CMKLR2: variants seen among roughly 807,000 people sequenced by gnomAD.
CMKLR2 encodes chemerin chemokine-like receptor 2.
CMKLR2 carries 18 observed loss-of-function variants against 23.0 expected under a neutral mutation model. The observed-to-expected ratio is 0.78, with a 90% confidence interval of 0.54 to 1.16. The LOEUF is 1.16. Ranked by LOEUF, CMKLR2 falls within the 50% of genes most tolerant of loss-of-function variation. The pLI is 0.00. For missense variants in CMKLR2, 401 were observed against 412.7 expected, an observed-to-expected ratio of 0.97 and a Z score of 0.25; for synonymous variants, 158 against 158.9, an observed-to-expected ratio of 0.99 and a Z score of 0.05.
chr2:206,196,391 A>AATAAAT (rs1553514911), intron 1 of CMKLR2, among the ~76,000 whole-genome samples: 1 of 151,176 alleles, frequency 6.6e-6, no homozygotes, highest in Non-Finnish European at 1.5e-5. Flanking sequence ...AATAAAAATA[A>AATAAAT]AAATAAATAA....
intron 1 of CMKLR2, among the ~76,000 whole-genome samples, chr2:206,205,688 G>GTAT (rs112037410): frequency 0.013 from 2,024 of 150,774 alleles, 27 homozygotes; most frequent in African/African-American, 0.035. Flanking sequence ...AGTGTTCGGT[G>GTAT]TATTATTATT....
chr2:206,197,940 C>A (rs1460742368), intron 1 of CMKLR2, among the ~76,000 whole-genome samples: 3 of 152,006 alleles, frequency 2.0e-5, no homozygotes, highest in African/African-American at 7.3e-5. Context: ...GGTTTGTGAT[C>A]CATCTTCGAA....
In CMKLR2 at chr2:206,176,587, T is replaced by C. The variant is rs772691120; in HGVS notation, c.661A>G (p.Thr221Ala). The stretch of plus-strand genomic sequence containing the variant: ...AGACACAAGTAGCAAATACTCATTG[T>C]TAGCAAAGGGAAGAGATAGCCAATG... ...FIIGYLFPLL[T>A]MSICYLCLIF... is the part of the protein sequence containing the mutation. Residue 221 changes from threonine to alanine, a missense_variant, in exon 2 of 2, where the codon ACA (threonine) becomes GCA (alanine). Transcript: ENST00000621141. The C allele has an allele frequency of 3.1e-6, 5 of 1,614,180 alleles. No homozygotes were observed. Among genetic ancestry groups the C allele is most frequent in the East Asian group, 4.5e-5 (2 of 44,884 alleles).
At chr2:206,203,086 C>A (rs1254702350) in intron 1 of CMKLR2, among the ~76,000 whole-genome samples, 1 of 149,286 alleles carries the variant, frequency 6.7e-6, no homozygotes, top group African/African-American at 2.5e-5. Flanking sequence ...GAGGCCGAGG[C>A]GGGCAGATCA....
At position 206,193,133 on chromosome 2, in the gene CMKLR2, C is replaced by T. The variant is rs1452446891; in HGVS notation, c.-28-15858G>A. ...TTTTTTTTTGAAACCAAGTCTTGCT[C>T]TGTCACCCAGGCTGGAATGCAATGG... On this transcript the variant is annotated intron_variant, in intron 1 of 1. Transcript: ENST00000621141. 2.0e-5 allele frequency among the ~76,000 whole-genome samples: 3 copies of T among 152,208 alleles called. No individual in the cohort carries two copies. The East Asian group carries it at 5.8e-4, about 29-fold the overall frequency.
Position 206,182,635 on chromosome 2 carries a change from T to G in CMKLR2, c.-28-5360A>C, listed in dbSNP as rs189669521. Among the ~76,000 whole-genome samples the G allele has an allele frequency of 4.2e-3, 633 of 152,244 alleles. 5 individuals are homozygous for G. Among genetic ancestry groups the G allele is most frequent in the African/African-American group, 0.015 (603 of 41,544 alleles). ...CCAACCTTGACCCACAGTTCCTTTT[T>G]TTTTTGGATGGAGTCTCACTTTGTC... is the stretch of plus-strand genomic sequence containing the variant. On this transcript the variant is annotated intron_variant, in intron 1 of 1. Transcript: ENST00000621141.
intron 1 of CMKLR2, among the ~76,000 whole-genome samples, chr2:206,192,269 C>T (rs186088706): frequency 1.3e-4 from 19 of 150,338 alleles, no homozygotes; most frequent in South Asian, 6.3e-4. Context: ...AATGAGCTAC[C>T]GGGACTGGCG....
intron 1 of CMKLR2, among the ~76,000 whole-genome samples, chr2:206,208,784 C>T (rs530097938): frequency 1.6e-4 from 25 of 152,114 alleles, no homozygotes; most frequent in South Asian, 1.5e-3. Flanking sequence ...GGACCTCCTG[C>T]CTCAGCTCCC....
At chr2:206,200,971 C>T (rs67294705) in intron 1 of CMKLR2, among the ~76,000 whole-genome samples, 69 of 151,752 alleles carry the variant, frequency 4.5e-4, no homozygotes, top group Non-Finnish European at 7.9e-4. Context: ...TATTTTTTAG[C>T]GGTAGGGTCT....
intron 1 of CMKLR2, among the ~76,000 whole-genome samples, chr2:206,178,673 G>A (rs10209987): frequency 0.026 from 3,975 of 151,448 alleles, 171 homozygotes; most frequent in African/African-American, 0.092. Flanking sequence ...TTGTTTTTTT[G>A]AGACAACCTC....
chr2:206,217,305 G>A (rs1463645683), upstream of CMKLR2: 3 of 152,154 alleles, frequency 2.0e-5, no homozygotes, highest in African/African-American at 7.2e-5. Flanking sequence ...CCCTTACTTG[G>A]TTAAACTGTG....
chr2:206,198,258 A>C (rs900393770), intron 1 of CMKLR2, among the ~76,000 whole-genome samples: 2 of 152,152 alleles, frequency 1.3e-5, no homozygotes, highest in South Asian at 2.1e-4. Flanking sequence ...ATCCTGTTTA[A>C]GTCCGTGGAT....
chr2:206,198,306 T>C (rs1266890481), intron 1 of CMKLR2, among the ~76,000 whole-genome samples: 1 of 152,172 alleles, frequency 6.6e-6, no homozygotes, highest in African/African-American at 2.4e-5. Context: ...CACTGGAACT[T>C]AGGAGAGATG....
intron 1 of CMKLR2, among the ~76,000 whole-genome samples, chr2:206,189,943 A>G (rs1176561463): frequency 6.6e-6 from 1 of 152,068 alleles, no homozygotes; most frequent in Admixed American, 6.6e-5. Flanking sequence ...CAGATGAACG[A>G]TCTCTGCTTG....
chr2:206,189,786 A>AT (rs1559088244), intron 1 of CMKLR2, among the ~76,000 whole-genome samples: 1 of 152,158 alleles, frequency 6.6e-6, no homozygotes, highest in Non-Finnish European at 1.5e-5. Context: ...GGGAAGAAAG[A>AT]TTTTTTGAAA....
upstream of CMKLR2, among the ~76,000 whole-genome samples, chr2:206,216,594 T>C (rs1490563455): frequency 6.6e-6 from 1 of 152,154 alleles, no homozygotes; most frequent in Non-Finnish European, 1.5e-5. Context: ...AACAGGTTTT[T>C]GACAGAAGAA....
chr2:206,203,176 A>T (rs1689165246), intron 1 of CMKLR2, among the ~76,000 whole-genome samples: 1 of 150,876 alleles, frequency 6.6e-6, no homozygotes, highest in Admixed American at 6.6e-5. Context: ...AAAAAAAAAA[A>T]AATTAGCCGG....
chr2:206,198,390 G>T (rs1359514281), intron 1 of CMKLR2, among the ~76,000 whole-genome samples: 1 of 152,132 alleles, frequency 6.6e-6, no homozygotes, highest in Non-Finnish European at 1.5e-5. Context: ...GGGACCCCAG[G>T]TGTCTCATGT....
chr2:206,211,822 G>T (rs1689577531), intron 1 of CMKLR2, among the ~76,000 whole-genome samples: 1 of 127,626 alleles, frequency 7.8e-6, no homozygotes, highest in Non-Finnish European at 1.6e-5. Flanking sequence ...CTACCCATCT[G>T]AGTCACTTTT....
Sources: allele counts gnomAD v4.1 joint callset (sites outside exome capture counted in the v4.1 genomes callset), GRCh38; gene constraint gnomAD v4.1.1; transcripts MANE v1.5; gene names NCBI Gene and HGNC (gene_info 2026-07-23, HGNC 2026-07-21).